Variants in DOCK9 observed in about 807,000 individuals in gnomAD.
DOCK9 encodes dedicator of cytokinesis 9, also known as dedicator of cytokinesis protein 9.
Under a neutral mutation model 263.3 loss-of-function variants are expected in DOCK9, and 89 were observed. That is an observed-to-expected ratio of 0.34 (90% CI 0.28 to 0.40). The LOEUF is 0.40. DOCK9 is among the 10% of genes least tolerant of loss of function. The pLI is 1.00. For synonymous variants in DOCK9, 976 were observed against 973.1 expected (o/e 1.00, Z -0.06); for missense variants, 2,140 against 2,603.4 (o/e 0.82, Z 3.87).
intron 52 of DOCK9, among the ~76,000 whole-genome samples, chr13:98,796,469 A>C (rs1473788057): frequency 6.6e-6 from 1 of 152,150 alleles, no homozygotes; most frequent in African/African-American, 2.4e-5. Flanking sequence ...CAAAAAAAAC[A>C]ATGTGGATGC....
chr13:98,832,587 T>A (rs1251234798), intron 39 of DOCK9, among the ~76,000 whole-genome samples: 2 of 152,200 alleles, frequency 1.3e-5, no homozygotes, highest in Admixed American at 1.3e-4. Context: ...ATTAAACACT[T>A]TGGAAGCCTG....
At position 98,907,357 on chromosome 13, in the gene DOCK9, C is replaced by G. The variant is rs140544261; in HGVS notation, c.961-2651G>C. On this transcript the variant is annotated intron_variant, in intron 9 of 52. Coordinates refer to ENST00000682017, the MANE Select transcript of DOCK9 (RefSeq NM_001366683.2). ...GAGGAGTGGGTTCTTAATGTAGATGCAATTCCTAGTGGCTTTCTGAAAGAT... is the reference window on the plus strand; with the variant it reads ...GAGGAGTGGGTTCTTAATGTAGATGGAATTCCTAGTGGCTTTCTGAAAGAT... Among the ~76,000 whole-genome samples, 3 of 152,292 alleles carry G rather than the reference C, an allele frequency of 2.0e-5. No homozygotes were observed. The East Asian group carries it at 5.8e-4, about 29-fold the overall frequency.
At chr13:98,851,054 A>T (rs2093555473) in intron 35 of DOCK9, among the ~76,000 whole-genome samples, 1 of 152,216 alleles carries the variant, frequency 6.6e-6, no homozygotes, top group African/African-American at 2.4e-5. Context: ...AATGATAGGC[A>T]GGAATGACAT....
chr13:98,990,239 C>T (rs1336945335), intron 1 of DOCK9, among the ~76,000 whole-genome samples: 1 of 152,306 alleles, frequency 6.6e-6, no homozygotes, highest in East Asian at 1.9e-4. Context: ...TCACGTCTTC[C>T]GTATGCATTC....
At chr13:98,823,037 A>C (rs2092361998) in intron 45 of DOCK9, among the ~76,000 whole-genome samples, 1 of 152,140 alleles carries the variant, frequency 6.6e-6, no homozygotes, top group Non-Finnish European at 1.5e-5. Flanking sequence ...AAACTGAAAC[A>C]AAATTAAGAT....
At chr13:99,021,290 G>A (rs1886062986) in intron 1 of DOCK9, among the ~76,000 whole-genome samples, 1 of 152,140 alleles carries the variant, frequency 6.6e-6, no homozygotes, top group South Asian at 2.1e-4. Context: ...AAATACATGA[G>A]AATTTCAGAT....
intron 45 of DOCK9, among the ~76,000 whole-genome samples, chr13:98,817,100 G>A (rs1333266276): frequency 6.6e-6 from 1 of 152,150 alleles, no homozygotes; most frequent in African/African-American, 2.4e-5. Context: ...ATCCAAGCAA[G>A]ATATCTGTAT....
chr13:99,068,521 G>T (rs1596028952), intron 1 of DOCK9, among the ~76,000 whole-genome samples: 1 of 152,330 alleles, frequency 6.6e-6, no homozygotes, highest in East Asian at 1.9e-4. Context: ...GGCGGAGCCT[G>T]CAGTGAGCCC....
In DOCK9 at chr13:98,794,658, G is replaced by C; in HGVS notation, c.6247C>G (p.His2083Asp). 6.2e-7 allele frequency: 1 copy of C among 1,612,852 alleles called. No individual in the cohort carries two copies. ...ACCGAAGACGAGCTGGTCATCCCGTGAACCATTGTGCTTGTTGGAGTCCCA... is the reference window on the plus strand; with the variant it reads ...ACCGAAGACGAGCTGGTCATCCCGTCAACCATTGTGCTTGTTGGAGTCCCA... Reference protein sequence around the residue: ...ISGTPTSTMVHGMTSSSSVV With the variant: ...ISGTPTSTMVDGMTSSSSVV Residue 2083 changes from histidine (H) to aspartate (D), a missense_variant, in exon 53 of 53, where the codon CAC becomes GAC. His to Asp is a moderately conservative substitution (Grantham distance 81, BLOSUM62 -1). Coordinates refer to ENST00000682017, the MANE Select transcript of DOCK9 (RefSeq NM_001366683.2).
chr13:99,034,895 T>C (rs1420715944), intron 1 of DOCK9, among the ~76,000 whole-genome samples: 7 of 152,154 alleles, frequency 4.6e-5, no homozygotes, highest in African/African-American at 1.7e-4. Flanking sequence ...TTGTAAGCCA[T>C]ATGGATGCAT....
At chr13:98,977,186 T>C (rs1407425208) in intron 1 of DOCK9, among the ~76,000 whole-genome samples, 2 of 152,330 alleles carry the variant, frequency 1.3e-5, no homozygotes, top group East Asian at 3.9e-4. Flanking sequence ...CACTTGGCTT[T>C]AGACAAATGC....
intron 1 of DOCK9, among the ~76,000 whole-genome samples, chr13:98,998,930 G>A (rs1881662305): frequency 1.3e-5 from 2 of 152,170 alleles, no homozygotes; most frequent in African/African-American, 2.4e-5. Flanking sequence ...GGGTGGTGGA[G>A]GAAGCCAACC....
Position 98,794,451 on chromosome 13 carries a change from C to T in DOCK9, c.*175G>A, listed in dbSNP as rs570695441. The stretch of plus-strand genomic sequence containing the variant: ...AGTGAGATTTAAAAAAATATGTGCA[C>T]CTTCTTACAACTCCTATAGAAAGTC... On this transcript the variant is annotated 3_prime_UTR_variant, in exon 53 of 53. Transcript: ENST00000682017. 1.6e-5 allele frequency: 11 copies of T among 676,840 alleles called. No individual in the cohort carries two copies. Among genetic ancestry groups the T allele is most frequent in the South Asian group, 1.3e-4 (6 of 44,478 alleles). 41.9% of individuals were successfully genotyped at this position (676,840 alleles called of 1,614,324 possible). A position where few individuals can be genotyped will look rare whatever the true frequency, so the allele number is the denominator to read the frequency against.
intron 41 of DOCK9, among the ~76,000 whole-genome samples, 190 bp downstream of exon 41, chr13:98,831,158 G>A (rs965019960): frequency 2.6e-5 from 4 of 152,100 alleles, no homozygotes; most frequent in Non-Finnish European, 4.4e-5. Context: ...CAACAGAAAC[G>A]CATCTCAGGC....
chr13:98,964,362 A>T (rs2058985900), intron 1 of DOCK9, among the ~76,000 whole-genome samples: 1 of 152,088 alleles, frequency 6.6e-6, no homozygotes, highest in Non-Finnish European at 1.5e-5. Context: ...TGAGTGAGGG[A>T]CCCCAATTAT....
intron 1 of DOCK9, among the ~76,000 whole-genome samples, chr13:99,058,360 C>T (rs2041022956): frequency 1.3e-5 from 2 of 152,026 alleles, no homozygotes; most frequent in Admixed American, 1.3e-4. Flanking sequence ...AGGTGTTTCA[C>T]CATGTTGGCC....
chr13:98,948,991 T>G (rs1357022136), intron 2 of DOCK9, among the ~76,000 whole-genome samples: 1 of 152,238 alleles, frequency 6.6e-6, no homozygotes, highest in Admixed American at 6.5e-5. Context: ...TCGGCTACTG[T>G]AAATAATGCT....
chr13:98,981,020 G>A (rs1877049732), upstream of DOCK9, among the ~76,000 whole-genome samples: 1 of 151,300 alleles, frequency 6.6e-6, no homozygotes, highest in Admixed American at 6.6e-5. Flanking sequence ...ACATCAAAAG[G>A]AGAAAATATA....
intron 11 of DOCK9, among the ~76,000 whole-genome samples, 175 bp from the exon 12 acceptor site, chr13:98,902,666 C>A (rs2048469135): frequency 6.6e-6 from 1 of 152,214 alleles, no homozygotes; most frequent in Admixed American, 6.5e-5. Context: ...AGGAAACAAA[C>A]AAAACAATTA....
Sources: allele counts gnomAD v4.1 joint callset (sites outside exome capture counted in the v4.1 genomes callset), GRCh38; gene constraint gnomAD v4.1.1; transcripts MANE v1.5; gene names NCBI Gene and HGNC (gene_info 2026-07-23, HGNC 2026-07-21).